Variants in ARHGAP32 observed in about 807,000 individuals in gnomAD.
ARHGAP32 encodes Rho GTPase activating protein 32, also known as rho GTPase-activating protein 32.
A neutral mutation model predicts 186.5 loss-of-function variants in ARHGAP32; 51 were observed. The observed-to-expected ratio is 0.27, with a 90% CI of 0.22 to 0.35. The LOEUF is 0.35. ARHGAP32 is among the 10% of genes least tolerant of loss of function. The probability of loss-of-function intolerance (pLI) is 1.00; values close to 1 mark genes in which losing one functional copy is unlikely to be tolerated. For synonymous variants in ARHGAP32, 950 were observed against 964.3 expected (o/e 0.99, Z 0.27); for missense variants, 2,186 against 2,623.5 (o/e 0.83, Z 3.64).
chr11:128,988,245 A>G lies in ARHGAP32; in HGVS notation c.1196-120T>C, dbSNP rs553874709. 5.4e-5 allele frequency: 38 copies of G among 700,750 alleles called. No homozygotes were observed. In the African/African-American group the frequency reaches 6.4e-4, roughly 12 times the overall value. The allele number at this position is 700,750 out of a possible 1,614,324, so 43.4% of individuals were successfully genotyped here. A position where few individuals can be genotyped will look rare whatever the true frequency, so the allele number is the denominator to read the frequency against. ...ATAAAATTTGTAAATTAAAGTTAAAAGGAGCAAAAATTAATCCACTACAAA... is the reference window on the plus strand; with the variant it reads ...ATAAAATTTGTAAATTAAAGTTAAAGGGAGCAAAAATTAATCCACTACAAA... On this transcript the variant is annotated intron_variant, in intron 12 of 22. Transcript: ENST00000682385.
chr11:129,224,878 G>C (rs574006530), intron 1 of ARHGAP32, among the ~76,000 whole-genome samples: 1 of 151,964 alleles, frequency 6.6e-6, no homozygotes, highest in East Asian at 1.9e-4. Flanking sequence ...CTAGGAGGCT[G>C]AACCAGGAGA....
intron 1 of ARHGAP32, among the ~76,000 whole-genome samples, chr11:129,172,363 G>A (rs939033239): frequency 7.2e-5 from 11 of 152,084 alleles, no homozygotes; most frequent in Non-Finnish European, 1.3e-4. Flanking sequence ...AGCTTATTGA[G>A]AGTTTTTAAC....
intron 2 of ARHGAP32, among the ~76,000 whole-genome samples, chr11:129,159,569 GTAAT>G (rs1173595728): frequency 2.0e-5 from 3 of 151,820 alleles, no homozygotes; most frequent in Middle Eastern, 3.4e-3. Flanking sequence ...AATTGAGGCA[GTAAT>G]TAATAGCCTA....
intron 6 of ARHGAP32, among the ~76,000 whole-genome samples, chr11:129,069,367 T>C (rs73579391): frequency 0.011 from 1,743 of 152,160 alleles, 38 homozygotes; most frequent in African/African-American, 0.04. Context: ...GCTCAATACA[T>C]GCTAGCTATT....
chr11:129,197,895 T>A (rs1011802046), intron 1 of ARHGAP32, among the ~76,000 whole-genome samples: 1 of 152,216 alleles, frequency 6.6e-6, no homozygotes, highest in Non-Finnish European at 1.5e-5. Context: ...TGGATCATTA[T>A]ATATACATTG....
intron 1 of ARHGAP32, among the ~76,000 whole-genome samples, chr11:129,221,567 G>T (rs918863144): frequency 6.7e-6 from 1 of 149,530 alleles, no homozygotes; most frequent in African/African-American, 2.5e-5. Flanking sequence ...GCAGAGATGA[G>T]TGGAACCAAT....
chr11:129,222,774 A>G (rs1186550344), intron 1 of ARHGAP32, among the ~76,000 whole-genome samples: 1 of 152,144 alleles, frequency 6.6e-6, no homozygotes, highest in African/African-American at 2.4e-5. Flanking sequence ...ATAGTGCAAT[A>G]CTTCTTGTTT....
intron 1 of ARHGAP32, among the ~76,000 whole-genome samples, chr11:129,200,083 G>A (rs1944439999): frequency 6.6e-6 from 1 of 152,162 alleles, no homozygotes; most frequent in Non-Finnish European, 1.5e-5. Context: ...TGGAACAGCT[G>A]TATTTACCCA....
At chr11:129,071,729 T>C (rs1238158691) in intron 6 of ARHGAP32, among the ~76,000 whole-genome samples, 1 of 152,172 alleles carries the variant, frequency 6.6e-6, no homozygotes, top group Non-Finnish European at 1.5e-5. Context: ...TCCTAAGAAC[T>C]TGAAATCAGT....
At chr11:129,079,519 A>G (rs888174855) in intron 6 of ARHGAP32, among the ~76,000 whole-genome samples, 2 of 152,208 alleles carry the variant, frequency 1.3e-5, no homozygotes, top group Non-Finnish European at 2.9e-5. Flanking sequence ...ATGAAAGAAA[A>G]AAAAGTTTTT....
intron 10 of ARHGAP32, among the ~76,000 whole-genome samples, chr11:129,050,546 A>G (rs2135076361): frequency 1.3e-5 from 2 of 152,292 alleles, no homozygotes; most frequent in Middle Eastern, 3.4e-3. Context: ...ATCCTTTATC[A>G]GATATAATCA....
chr11:129,081,279 T>A (rs1565412503), intron 6 of ARHGAP32, among the ~76,000 whole-genome samples: 1 of 152,004 alleles, frequency 6.6e-6, no homozygotes, highest in Non-Finnish European at 1.5e-5. Context: ...AGTATCACTC[T>A]AATACCAAAA....
chr11:129,121,806 T>C (rs1362012577), intron 5 of ARHGAP32, among the ~76,000 whole-genome samples: 1 of 152,022 alleles, frequency 6.6e-6, no homozygotes, highest in East Asian at 1.9e-4. Context: ...AAATGTGTTC[T>C]CCCATAAAAA....
In ARHGAP32 at chr11:128,976,571, G is replaced by T; in HGVS notation, c.2186C>A (p.Ala729Glu). The T allele has an allele frequency of 6.2e-7, 1 of 1,613,362 alleles. No homozygotes were observed. Among genetic ancestry groups the T allele is most frequent in the South Asian group, 1.1e-5 (1 of 91,054 alleles). ...KSEESLTSLH[A>E]VDGDSKLFRP... is the part of the protein sequence containing the mutation. The stretch of plus-strand genomic sequence containing the variant: ...GATGCTTTTAGTCTTACCATCAACT[G>T]CATGGAGAGATGTAAGAGACTCCTC... Residue 729 changes from alanine (A) to glutamate (E), a missense_variant, in exon 20 of 23, where the codon GCA (alanine) becomes GAA (glutamate). Around this residue, in one of 5 missense-constraint regions of ARHGAP32, gnomAD observed 263 missense variants for 323.5 expected, o/e 0.81. Transcript: ENST00000682385.
chr11:129,200,718 T>C (rs1944446722), intron 1 of ARHGAP32, among the ~76,000 whole-genome samples: 1 of 152,180 alleles, frequency 6.6e-6, no homozygotes, highest in Non-Finnish European at 1.5e-5. Context: ...AAATAATACC[T>C]TTATGATGTT....
At chr11:129,181,044 C>T (rs1201386421) in intron 1 of ARHGAP32, among the ~76,000 whole-genome samples, 1 of 152,126 alleles carries the variant, frequency 6.6e-6, no homozygotes, top group Non-Finnish European at 1.5e-5. Context: ...TAGCATATTA[C>T]CCAGGAACTG....
intron 11 of ARHGAP32, among the ~76,000 whole-genome samples, chr11:129,024,952 CTG>C (rs1938768567): frequency 6.6e-6 from 1 of 152,084 alleles, no homozygotes; most frequent in Non-Finnish European, 1.5e-5. Flanking sequence ...TAATACTGAA[CTG>C]TGTTAACCCA....
intron 11 of ARHGAP32, among the ~76,000 whole-genome samples, chr11:129,039,879 ATC>A (rs1473491905): frequency 4.6e-5 from 7 of 152,342 alleles, no homozygotes; most frequent in African/African-American, 1.7e-4. Flanking sequence ...AGAACTGAGA[ATC>A]CTGACTCAAG....
chr11:129,046,441 C>A (rs112902757), intron 10 of ARHGAP32, among the ~76,000 whole-genome samples: 6 of 152,088 alleles, frequency 3.9e-5, no homozygotes, highest in Non-Finnish European at 5.9e-5. Context: ...CTTCGTCCTG[C>A]GCCTATCCAC....
Sources: gnomAD v4.1 joint callset for allele counts (sites outside exome capture counted in the v4.1 genomes callset) on GRCh38, gnomAD v4.1.1 for gene constraint, gnomAD v4.1.1 regional missense constraint, MANE v1.5 for transcripts, NCBI Gene and HGNC (gene_info 2026-07-23, HGNC 2026-07-21) for gene names.